SGCZ: variants seen among roughly 807,000 people sequenced by gnomAD.
SGCZ encodes zeta-sarcoglycan.
A neutral mutation model predicts 41.3 loss-of-function variants in SGCZ; 40 were observed. The observed-to-expected ratio is 0.97, with a 90% CI of 0.75 to 1.26. SGCZ has a LOEUF of 1.26. Ranked by LOEUF, SGCZ falls within the 50% of genes most tolerant of loss-of-function variation. SGCZ has a pLI of 0.00. For missense variants in SGCZ, 552 were observed against 369.8 expected (o/e 1.49, Z -4.04); for synonymous variants, 206 against 137.5 (o/e 1.50, Z -3.49).
intron 3 of SGCZ, among the ~76,000 whole-genome samples, chr8:14,242,109 A>G (rs964899805): frequency 5.3e-5 from 8 of 152,154 alleles, no homozygotes; most frequent in Admixed American, 3.3e-4. Flanking sequence ...TCATACAAAC[A>G]GAGAATATTA....
chr8:14,246,344 G>T (rs1466491096), intron 3 of SGCZ, among the ~76,000 whole-genome samples: 1 of 151,650 alleles, frequency 6.6e-6, no homozygotes, highest in Admixed American at 6.6e-5. Context: ...ACTATCGCAA[G>T]GACAAAAAAC....
intron 1 of SGCZ, among the ~76,000 whole-genome samples, chr8:15,092,629 C>G (rs1447850399): frequency 6.6e-6 from 1 of 152,164 alleles, no homozygotes; most frequent in Non-Finnish European, 1.5e-5. Context: ...GAGAAAACAA[C>G]TGTCAATTTT....
intron 3 of SGCZ, among the ~76,000 whole-genome samples, chr8:14,280,968 A>G (rs1266672092): frequency 2.6e-5 from 4 of 151,862 alleles, no homozygotes; most frequent in Non-Finnish European, 5.9e-5. Flanking sequence ...TGATAACCAT[A>G]TCCTTTCTGA....
chr8:14,243,002 C>T (rs1205697787), intron 3 of SGCZ, among the ~76,000 whole-genome samples: 1 of 152,214 alleles, frequency 6.6e-6, no homozygotes, highest in Non-Finnish European at 1.5e-5. Flanking sequence ...ATGACCTCTA[C>T]TTTGCTGCTA....
At chr8:14,799,927 T>C (rs574196528) in intron 1 of SGCZ, among the ~76,000 whole-genome samples, 1 of 152,182 alleles carries the variant, frequency 6.6e-6, no homozygotes, top group African/African-American at 2.4e-5. Context: ...CTGCCTTTCG[T>C]TGATAAGTAT....
chr8:14,628,050 T>C (rs1027491165), intron 1 of SGCZ, among the ~76,000 whole-genome samples: 9 of 152,110 alleles, frequency 5.9e-5, no homozygotes, highest in African/African-American at 2.2e-4. Context: ...GCAGGCCTCA[T>C]AGACAGTTCA....
At chr8:15,015,130 C>G (rs530109148) in intron 1 of SGCZ, among the ~76,000 whole-genome samples, 26 of 152,164 alleles carry the variant, frequency 1.7e-4, no homozygotes, top group Admixed American at 6.5e-4. Context: ...ATAGTCCCAG[C>G]TACTTGGGAG....
chr8:14,786,838 T>C (rs1312512258), intron 1 of SGCZ, among the ~76,000 whole-genome samples: 3 of 98,988 alleles, frequency 3.0e-5, no homozygotes, highest in East Asian at 8.5e-4. Context: ...GAAAGCAGGT[T>C]TAAAAAAAAA....
At chr8:14,199,319 C>A (rs1463975641) in intron 4 of SGCZ, among the ~76,000 whole-genome samples, 1 of 152,154 alleles carries the variant, frequency 6.6e-6, no homozygotes, top group South Asian at 2.1e-4. Flanking sequence ...CAAGGAAATT[C>A]CTGCCTAATA....
At chr8:14,188,816 GTTTCTTTGTT>G (rs1804991918) in intron 4 of SGCZ, among the ~76,000 whole-genome samples, 1 of 20,680 alleles carries the variant, frequency 4.8e-5, no homozygotes, top group African/African-American at 3.2e-4. Flanking sequence ...TTGTTTGTTT[GTTTCTTTGTT>G]TTTTTTTGTT....
rs368409513 is a variant in SGCZ at position 14,539,233 on chromosome 8, T to C, written c.234+15499A>G. ...CCGCCAAATGGCCTAACCTGAAGAT[T>C]TGGGACTTTTCAGCCTCTAATACAA... On this transcript the variant is annotated intron_variant, in intron 2 of 7. Transcript: ENST00000382080. Among the ~76,000 whole-genome samples, 83 of 152,070 alleles carry C rather than the reference T, an allele frequency of 5.5e-4. 1 individual carries two copies. The highest frequency in any genetic ancestry group is 1.9e-3 in the African/African-American group (79 of 41,526).
intron 1 of SGCZ, among the ~76,000 whole-genome samples, chr8:14,781,149 T>G (rs571574824): frequency 6.6e-6 from 1 of 152,342 alleles, no homozygotes; most frequent in South Asian, 2.1e-4. Flanking sequence ...TTATTGAATT[T>G]ACTGCCTCTT....
chr8:14,344,068 T>C (rs1802806160), intron 2 of SGCZ, among the ~76,000 whole-genome samples: 1 of 152,058 alleles, frequency 6.6e-6, no homozygotes, highest in Non-Finnish European at 1.5e-5. Context: ...AATTCAATAT[T>C]TGATGTTAAG....
At chr8:14,963,947 T>C (rs764730347) in intron 1 of SGCZ, among the ~76,000 whole-genome samples, 3 of 152,292 alleles carry the variant, frequency 2.0e-5, no homozygotes, top group East Asian at 1.9e-4. Context: ...CTAAGTTGTT[T>C]AATATAGCCC....
At chr8:14,329,398 G>A (rs965913597) in intron 2 of SGCZ, among the ~76,000 whole-genome samples, 2 of 151,958 alleles carry the variant, frequency 1.3e-5, no homozygotes, top group African/African-American at 2.4e-5. Flanking sequence ...TTACTTGTGG[G>A]TTATTGAAAA....
At position 14,880,340 on chromosome 8, in the gene SGCZ, T is replaced by G. The variant is rs563296578; in HGVS notation, c.40-325414A>C. Among the ~76,000 whole-genome samples, 10 of 152,242 alleles carry G rather than the reference T, an allele frequency of 6.6e-5. No homozygotes were observed. In the South Asian group the frequency reaches 2.1e-3, roughly 32 times the overall value. On this transcript the variant is annotated intron_variant, in intron 1 of 7. Coordinates refer to ENST00000382080, the MANE Select transcript of SGCZ (RefSeq NM_139167.4). ...GAGGATGTGGAGAAATAGGAACACT[T>G]TTACACTGTTGGTGGGACTGTAAAC...
At chr8:14,998,912 A>G (rs1802313357) in intron 1 of SGCZ, among the ~76,000 whole-genome samples, 2 of 152,210 alleles carry the variant, frequency 1.3e-5, no homozygotes, top group South Asian at 4.1e-4. Context: ...CTATAGAACT[A>G]AAATTATTGA....
chr8:15,160,379 G>A (rs184395564), intron 1 of SGCZ, among the ~76,000 whole-genome samples: 12 of 152,198 alleles, frequency 7.9e-5, no homozygotes, highest in African/African-American at 2.6e-4. Flanking sequence ...TGTGTTTATC[G>A]ATTTATCTTT....
At chr8:14,164,899 G>A (rs1804161136) in intron 4 of SGCZ, 197 bp from the exon 5 acceptor site, 3 of 632,324 alleles carry the variant, frequency 4.7e-6, no homozygotes, top group Admixed American at 3.2e-5. Flanking sequence ...GTGCTAGGCT[G>A]GTTAGGCATA....
Sources: allele counts gnomAD v4.1 joint callset (sites outside exome capture counted in the v4.1 genomes callset), GRCh38; gene constraint gnomAD v4.1.1; transcripts MANE v1.5; gene names NCBI Gene and HGNC (gene_info 2026-07-23, HGNC 2026-07-21).